PTK2B: variants seen among roughly 807,000 people sequenced by gnomAD.
PTK2B encodes protein tyrosine kinase 2 beta.
A neutral mutation model predicts 142.9 loss-of-function variants in PTK2B; 71 were observed. That is an observed-to-expected ratio of 0.50 (90% CI 0.41 to 0.61). PTK2B has a LOEUF of 0.61. Among genes scored for constraint, PTK2B ranks in the 20% least tolerant of loss-of-function variants. PTK2B has a pLI of 0.00. For missense variants in PTK2B, 1,105 were observed against 1,320.4 expected, an observed-to-expected ratio of 0.84 and a Z score of 2.53; for synonymous variants, 519 against 503.4, an observed-to-expected ratio of 1.03 and a Z score of -0.42.
At chr8:27,417,895 G>A (rs745524778) in intron 2 of PTK2B, among the ~76,000 whole-genome samples, 1 of 152,138 alleles carries the variant, frequency 6.6e-6, no homozygotes, top group Non-Finnish European at 1.5e-5. Flanking sequence ...GAGTGACGTG[G>A]GGGCTCTGAG....
rs776766099 is a variant in PTK2B at position 27,432,315 on chromosome 8, A to T, written c.941A>T (p.Glu314Val). ...AGGTCCATCAGGTGCCTCCCGCTGGAGGAGGGCCAGGCAGTACTTCAGCTG... is the reference window on the plus strand; with the variant it reads ...AGGTCCATCAGGTGCCTCCCGCTGGTGGAGGGCCAGGCAGTACTTCAGCTG... ...QIRSIRCLPL[E>V]EGQAVLQLGI... The change falls in exon 10 of 31, where the codon GAG becomes GTG. Residue 314 changes from glutamate to valine, a missense_variant. By Grantham distance (121) the Glu-to-Val change is moderately radical. Coordinates refer to ENST00000346049, the MANE Select transcript of PTK2B (RefSeq NM_173176.3). The T allele has an allele frequency of 1.2e-6, 2 of 1,613,828 alleles. No homozygotes were observed. The highest frequency in any genetic ancestry group is 1.7e-6 in the Non-Finnish European group (2 of 1,180,024).
chr8:27,458,559 A>G lies in PTK2B; in HGVS notation c.*50A>G, dbSNP rs370773139. On this transcript the variant is annotated 3_prime_UTR_variant, in exon 31 of 31. Coordinates refer to ENST00000346049, the MANE Select transcript of PTK2B (RefSeq NM_173176.3). ...CGTCTTCCGCCCCTGCCTGCCATGT[A>G]CCTCCCCTGCCTTGCTGTTGGTCAT... 116 of 1,524,996 alleles carry G rather than the reference A, an allele frequency of 7.6e-5. No individual in the cohort carries two copies. The African/African-American group carries it at 1.4e-3, about 19-fold the overall frequency. The allele number at this position is 1,524,996 out of a possible 1,614,324, so 94.5% of individuals were successfully genotyped here.
intron 21 of PTK2B, among the ~76,000 whole-genome samples, chr8:27,442,431 A>G (rs1287067068): frequency 1.3e-5 from 2 of 152,128 alleles, no homozygotes; most frequent in African/African-American, 4.8e-5. Context: ...CCTCATTAGC[A>G]CATACCGGGG....
chr8:27,406,612 G>C (rs1644040546), intron 2 of PTK2B, among the ~76,000 whole-genome samples: 1 of 152,170 alleles, frequency 6.6e-6, no homozygotes, highest in Non-Finnish European at 1.5e-5. Context: ...GAAATGTGTA[G>C]GGGCCCTTTA....
chr8:27,387,901 T>C (rs536944460), intron 1 of PTK2B, among the ~76,000 whole-genome samples: 118 of 152,194 alleles, frequency 7.8e-4, no homozygotes, highest in African/African-American at 2.6e-3. Flanking sequence ...TGGCATGACT[T>C]ACCAGCCTGT....
chr8:27,444,422 CAG>C, intron 23 of PTK2B, 151 bp downstream of exon 23: 1 of 816,790 alleles, frequency 1.2e-6, no homozygotes, highest in Non-Finnish European at 2.0e-6. Flanking sequence ...GAACAGAATG[CAG>C]ACTCAGATCA....
At chr8:27,384,149 C>G (rs563093758) in intron 1 of PTK2B, among the ~76,000 whole-genome samples, 14 of 152,128 alleles carry the variant, frequency 9.2e-5, no homozygotes, top group African/African-American at 3.4e-4. Context: ...CATGACCGGC[C>G]CAACACCTGG....
intron 22 of PTK2B, 56 bp downstream of exon 22, chr8:27,443,039 G>GT: frequency 7.3e-7 from 1 of 1,366,242 alleles, no homozygotes; most frequent in Non-Finnish European, 1.0e-6. Context: ...CCAGGTCCCT[G>GT]TCTGATCCAT....
At chr8:27,376,618 T>G (rs1274509591) in intron 1 of PTK2B, among the ~76,000 whole-genome samples, 1 of 152,128 alleles carries the variant, frequency 6.6e-6, no homozygotes, top group Non-Finnish European at 1.5e-5. Context: ...TAAAACAGGT[T>G]ACAGTAAAGA....
chr8:27,453,154 C>T lies in PTK2B; in HGVS notation c.2589C>T (p.Gly863=), dbSNP rs1026723569. The T allele has an allele frequency of 2.1e-5, 34 of 1,614,006 alleles. No individual in the cohort carries two copies. The highest frequency in any genetic ancestry group is 3.3e-5 in the Admixed American group (2 of 60,000). The part of the protein sequence containing the change: ...TGPPQKPPRL[G]AQSIQPTANL... ...CCCCACAGAAGCCCCCGAGGCTGGG[C>T]GCACAGGTATGTGTTGGCTCTGCTG... The change falls in exon 28 of 31, where the codon GGC becomes GGT. Residue 863 remains glycine (G), a synonymous_variant. Transcript: ENST00000346049.
rs907043840 is a variant in PTK2B at position 27,336,720 on chromosome 8, C to T, written c.-38+11039C>T. 2.0e-5 allele frequency among the ~76,000 whole-genome samples: 3 copies of T among 152,210 alleles called. No individual in the cohort carries two copies. In the East Asian group the frequency reaches 5.8e-4, roughly 29 times the overall value. On this transcript the variant is annotated intron_variant, in intron 1 of 30. Transcript: ENST00000346049. ...CACTCCCATCTCTGACATCAGTGTC[C>T]TTCTTGTCACCAGAACCCTTTCTGC...
chr8:27,454,662 T>C (rs1399990583), intron 30 of PTK2B, 51 bp downstream of exon 30: 6 of 1,578,088 alleles, frequency 3.8e-6, no homozygotes, highest in Non-Finnish European at 5.2e-6. Context: ...TGCTCCTGCT[T>C]ATGAGCCTCA....
At chr8:27,340,955 C>G (rs1804360693) in intron 1 of PTK2B, among the ~76,000 whole-genome samples, 1 of 152,198 alleles carries the variant, frequency 6.6e-6, no homozygotes, top group African/African-American at 2.4e-5. Context: ...CGGGTAAGAA[C>G]CAGCCAGCTG....
intron 2 of PTK2B, among the ~76,000 whole-genome samples, chr8:27,411,293 G>A (rs962501236): frequency 6.6e-6 from 1 of 152,150 alleles, no homozygotes; most frequent in African/African-American, 2.4e-5. Flanking sequence ...TTCAGGCTGA[G>A]GAAGGCAGGG....
At position 27,458,387 on chromosome 8, in the gene PTK2B, G is replaced by A. The variant is rs56263944; in HGVS notation, c.2908G>A (p.Glu970Lys). The change falls in exon 31 of 31, where the codon GAG (glutamate) becomes AAG (lysine). Residue 970 changes from glutamate to lysine, a missense_variant. Transcript: ENST00000346049. ...GCAGAACGCCGTGACCTCCCTAAGT[G>A]AGGAGTGCAAGAGGCAGATGCTGAC... is the stretch of plus-strand genomic sequence containing the variant. The part of the protein sequence containing the change: ...AQQNAVTSLS[E>K]ECKRQMLTAS... 7 of 1,613,460 alleles carry A rather than the reference G, an allele frequency of 4.3e-6. No individual in the cohort carries two copies. The highest frequency in any genetic ancestry group is 4.5e-5 in the East Asian group (2 of 44,892).
At chr8:27,343,692 C>A (rs1261473772) in intron 1 of PTK2B, among the ~76,000 whole-genome samples, 6 of 152,184 alleles carry the variant, frequency 3.9e-5, no homozygotes, top group Non-Finnish European at 8.8e-5. Context: ...TGCCTTCTGA[C>A]CTTTCTCCTT....
chr8:27,368,698 A>G (rs922575269), intron 1 of PTK2B, among the ~76,000 whole-genome samples: 3 of 152,034 alleles, frequency 2.0e-5, no homozygotes, highest in African/African-American at 4.8e-5. Context: ...TCCCAGCAAC[A>G]TTGCTTGAAA....
chr8:27,411,864 A>C (rs1809085034), intron 2 of PTK2B, among the ~76,000 whole-genome samples: 2 of 152,126 alleles, frequency 1.3e-5, no homozygotes, highest in Non-Finnish European at 2.9e-5. Flanking sequence ...GGCCATTCAC[A>C]CTTCTGACCA....
chr8:27,371,594 C>T (rs1806364154), intron 1 of PTK2B, among the ~76,000 whole-genome samples: 1 of 151,788 alleles, frequency 6.6e-6, no homozygotes, highest in South Asian at 2.1e-4. Context: ...GTCATCCAGG[C>T]TGGAGTGCAG....
Sources: gnomAD v4.1 joint callset for allele counts (sites outside exome capture counted in the v4.1 genomes callset) on GRCh38, gnomAD v4.1.1 for gene constraint, MANE v1.5 for transcripts, NCBI Gene and HGNC (gene_info 2026-07-23, HGNC 2026-07-21) for gene names.